ALG13: variants seen among roughly 807,000 people sequenced by gnomAD.
ALG13 encodes the protein ALG13 UDP-N-acetylglucosaminyltransferase subunit.
ALG13 carries 11 observed loss-of-function variants against 87.8 expected under a neutral mutation model. The ratio of observed to expected loss-of-function variants is 0.13; its 90% CI spans 0.08 to 0.21. The LOEUF is 0.21. Ranked by LOEUF, ALG13 falls within the 10% of genes least tolerant of loss-of-function variation. The probability of loss-of-function intolerance (pLI) is 1.00; values close to 1 mark genes in which losing one functional copy is unlikely to be tolerated. For synonymous variants in ALG13, 320 were observed against 306.3 expected, an observed-to-expected ratio of 1.04 and a Z score of -0.47; for missense variants, 756 against 866.1, an observed-to-expected ratio of 0.87 and a Z score of 1.60.
intron 3 of ALG13, chrX:111,689,325 T>C: frequency 1.3e-6 from 1 of 753,275 alleles, no homozygotes; most frequent in South Asian, 6.8e-5. Flanking sequence ...CATAAATACG[T>C]TTTTCTCATT....
In ALG13 at chrX:111,688,032, C is replaced by T. The variant is rs375827829; in HGVS notation, c.383+2929C>T. 5.4e-5 allele frequency: 59 copies of T among 1,084,564 alleles called. No individual in the cohort carries two copies. In the African/African-American group the frequency reaches 1.1e-3, roughly 20 times the overall value. 89.4% of individuals were successfully genotyped at this position (1,084,564 alleles called of 1,213,427 possible). On this transcript the variant is annotated intron_variant, in intron 3 of 26. Coordinates refer to ENST00000394780, the MANE Select transcript of ALG13 (RefSeq NM_001099922.3). ...AAACTCTCAACACTTTAAAAGCAACCCCCAAATTCAACCTATGTAATGTGA... is the reference window on the plus strand; with the variant it reads ...AAACTCTCAACACTTTAAAAGCAACTCCCAAATTCAACCTATGTAATGTGA...
At chrX:111,691,196 T>G (rs1035541692) in intron 3 of ALG13, among the ~76,000 whole-genome samples, 1 of 110,625 alleles carries the variant, frequency 9.0e-6, no homozygotes, top group African/African-American at 3.3e-5. Context: ...CACCTCCCAG[T>G]TTCAAGTGAT....
At chrX:111,699,067 G>A (rs984775286) in intron 3 of ALG13, among the ~76,000 whole-genome samples, 4 of 111,934 alleles carry the variant, frequency 3.6e-5, no homozygotes, top group African/African-American at 1.3e-4. Context: ...CAGTTGTGAG[G>A]TGATAATCTC....
intron 3 of ALG13, chrX:111,688,588 A>G: frequency 2.8e-6 from 2 of 727,224 alleles, no homozygotes; most frequent in Non-Finnish European, 1.6e-6. Context: ...AAAACATACA[A>G]AGTGATAAAA....
intron 3 of ALG13, among the ~76,000 whole-genome samples, chrX:111,698,393 T>C (rs1032762586): frequency 1.8e-5 from 2 of 111,575 alleles, no homozygotes; most frequent in African/African-American, 6.5e-5. Context: ...GAAATTCTTA[T>C]TTTGAAGTAC....
intron 6 of ALG13, 45 bp downstream of exon 6, chrX:111,711,770 A>G: frequency 9.0e-7 from 1 of 1,105,978 alleles, no homozygotes; most frequent in South Asian, 2.0e-5. Context: ...GTTATTTGGA[A>G]TAGTAATGTA....
intron 3 of ALG13, among the ~76,000 whole-genome samples, chrX:111,687,020 C>T (rs760142869): frequency 2.7e-5 from 3 of 111,304 alleles, no homozygotes; most frequent in South Asian, 3.8e-4. Flanking sequence ...TGCAATGGTG[C>T]GATCTCGGCT....
chrX:111,681,203 T>C lies in ALG13; in HGVS notation c.-16T>C, dbSNP rs1240322187. The C allele has an allele frequency of 8.3e-7, 1 of 1,209,518 alleles. No homozygotes were observed. Among genetic ancestry groups the C allele is most frequent in the Admixed American group, 2.2e-5 (1 of 46,133 alleles). ...CATATCCGGCCCTTGCGATCAGGGC[T>C]TGAGGAACCCGCGCCATGAAGTGCG... On this transcript the variant is annotated 5_prime_UTR_variant, in exon 1 of 27. Transcript: ENST00000394780.
intron 18 of ALG13, 85 bp downstream of exon 18, chrX:111,727,855 G>A: frequency 9.4e-6 from 9 of 960,953 alleles, no homozygotes; most frequent in Non-Finnish European, 1.3e-5. Flanking sequence ...ATAAATTTTA[G>A]ATTTTGTACA....
chrX:111,704,727 T>G (rs1938450907), intron 3 of ALG13, among the ~76,000 whole-genome samples: 2 of 111,596 alleles, frequency 1.8e-5, no homozygotes, highest in African/African-American at 6.5e-5. Context: ...GAGTTTTATT[T>G]TGGGATAAAG....
intron 22 of ALG13, among the ~76,000 whole-genome samples, chrX:111,736,434 G>T (rs1569520972): frequency 9.0e-6 from 1 of 111,577 alleles, no homozygotes; most frequent in Non-Finnish European, 1.9e-5. Context: ...ACAGGACAGG[G>T]CTTGGAGGGA....
At chrX:111,734,901 A>G (rs961785269) in intron 21 of ALG13, 150 bp from the exon 22 acceptor site, 1 of 426,606 alleles carries the variant, frequency 2.3e-6, no homozygotes, top group African/African-American at 2.6e-5. Context: ...CACATTTTAG[A>G]GTGATAACTT....
rs1216017068 is a variant in ALG13 at position 111,718,284 on chromosome X, G to A, written c.1250+10G>A. On this transcript the variant is annotated intron_variant, in intron 10 of 26. Coordinates refer to ENST00000394780, the MANE Select transcript of ALG13 (RefSeq NM_001099922.3). The stretch of plus-strand genomic sequence containing the variant: ...GTTCAAATCAGAATAGGTAATAAAG[G>A]GAAAGGGGATATCATGATAATTATG... 3 of 1,168,836 alleles carry A rather than the reference G, an allele frequency of 2.6e-6. No homozygotes were observed. Among genetic ancestry groups the A allele is most frequent in the Non-Finnish European group, 3.5e-6 (3 of 867,678 alleles).
At chrX:111,726,189 C>T (rs970952591) in intron 15 of ALG13, among the ~76,000 whole-genome samples, 1 of 107,786 alleles carries the variant, frequency 9.3e-6, no homozygotes, top group African/African-American at 3.4e-5. Context: ...TCGTGATCTG[C>T]CCGCCTCGGC....
rs12689788 is a variant in ALG13 at position 111,749,427 on chromosome X, A to G, written c.2933-3363A>G. On this transcript the variant is annotated intron_variant, in intron 24 of 26. Transcript: ENST00000394780. Reference sequence around the variant, plus strand: ...TCAATTTTTTAATCCTTACATCAGTACTATACTGTCTTTTTAGTAAGGTTT... The same window carrying G: ...TCAATTTTTTAATCCTTACATCAGTGCTATACTGTCTTTTTAGTAAGGTTT... Among the ~76,000 whole-genome samples, 97 of 110,120 alleles carry G rather than the reference A, an allele frequency of 8.8e-4. 1 individual carries two copies. The East Asian group carries it at 0.025, about 28-fold the overall frequency.
At chrX:111,740,480 G>C (rs749227817) in intron 23 of ALG13, among the ~76,000 whole-genome samples, 38 of 110,801 alleles carry the variant, frequency 3.4e-4, no homozygotes, top group African/African-American at 1.2e-3. Context: ...TGAAAGGCCT[G>C]AAAACAATAA....
At chrX:111,714,940 T>C (rs1280795448) in intron 8 of ALG13, among the ~76,000 whole-genome samples, 2 of 111,907 alleles carry the variant, frequency 1.8e-5, no homozygotes, top group Non-Finnish European at 3.8e-5. Flanking sequence ...GAGATGAAAT[T>C]TGGATCTTTA....
At chrX:111,701,271 C>T (rs1383519624) in intron 3 of ALG13, among the ~76,000 whole-genome samples, 5 of 111,939 alleles carry the variant, frequency 4.5e-5, no homozygotes, top group African/African-American at 1.3e-4. Context: ...TTTGAAAGAG[C>T]TTAAGAAGGA....
rs182098579 is a variant in ALG13, at chrX:111,700,296, A to G, written c.384-7731A>G. Reference sequence around the variant, plus strand: ...TTTGGTGTAGTTTTTAGGTTTTTCTATATGTAAGAGCATGTTATCAGCAAA... The same window carrying G: ...TTTGGTGTAGTTTTTAGGTTTTTCTGTATGTAAGAGCATGTTATCAGCAAA... On this transcript the variant is annotated intron_variant, in intron 3 of 26. Coordinates refer to ENST00000394780, the MANE Select transcript of ALG13 (RefSeq NM_001099922.3). Among the ~76,000 whole-genome samples, 7 of 110,492 alleles carry G rather than the reference A, an allele frequency of 6.3e-5. No homozygotes were observed. The East Asian group carries it at 1.4e-3, about 22-fold the overall frequency.
Sources: allele counts gnomAD v4.1 joint callset (sites outside exome capture counted in the v4.1 genomes callset), GRCh38; gene constraint gnomAD v4.1.1; transcripts MANE v1.5; gene names NCBI Gene and HGNC (gene_info 2026-07-23, HGNC 2026-07-21).